HTR3E: variants seen among roughly 807,000 people sequenced by gnomAD.
HTR3E encodes 5-hydroxytryptamine (serotonin) receptor 3, family member E.
A neutral mutation model predicts 38.0 loss-of-function variants in HTR3E; 38 were observed. The observed-to-expected ratio is 1.00, with a 90% CI of 0.77 to 1.31. The LOEUF (loss-of-function observed/expected upper bound fraction) is 1.31, where lower values mean the gene tolerates loss of function less well. Among genes scored for constraint, HTR3E ranks in the 50% most tolerant of loss-of-function variants. The probability of loss-of-function intolerance (pLI) is 0.00; values close to 1 mark genes in which losing one functional copy is unlikely to be tolerated. For missense variants in HTR3E, 547 were observed against 585.2 expected (o/e 0.93, Z 0.67); for synonymous variants, 210 against 232.9 (o/e 0.90, Z 0.89).
intron 3 of HTR3E, among the ~76,000 whole-genome samples, chr3:184,102,458 T>C (rs1172276423): frequency 4.2e-5 from 5 of 117,662 alleles, no homozygotes. Flanking sequence ...AGTGAGACCC[T>C]ATCACACACC....
chr3:184,099,072 T>G (rs1388019702), intron 1 of HTR3E, among the ~76,000 whole-genome samples: 1 of 147,314 alleles, frequency 6.8e-6, no homozygotes, highest in African/African-American at 2.5e-5. Flanking sequence ...AAAAAGAAAT[T>G]AAAAAAAAAT....
chr3:184,105,511 T>C, intron 6 of HTR3E, 84 bp downstream of exon 6: 1 of 1,434,052 alleles, frequency 7.0e-7, no homozygotes, highest in Non-Finnish European at 9.4e-7. Context: ...ATCTCCCAAG[T>C]TTCAGGGTCT....
chr3:184,104,052 T>C, intron 3 of HTR3E, 130 bp from the exon 4 acceptor site: 1 of 552,966 alleles, frequency 1.8e-6, no homozygotes, highest in South Asian at 4.5e-5. Context: ...CAAAGTTGGG[T>C]TGTAAATACA....
chr3:184,100,575 CCTT>C lies in HTR3E; in HGVS notation c.160_162del (p.Phe54del). 2 of 1,614,124 alleles carry C rather than the reference CCTT, an allele frequency of 1.2e-6. No homozygotes were observed. The highest frequency in any genetic ancestry group is 1.7e-6 in the Non-Finnish European group (2 of 1,180,024). On this transcript the variant is annotated inframe_deletion, in exon 2 of 9. Coordinates refer to ENST00000415389, the MANE Select transcript of HTR3E (RefSeq NM_001256613.2). ...CTGAATTCAGTGTTTAATAGAAAGCCCTTCCGTCCGGTCACCAACATCAGCGTC... is the reference window on the plus strand; with the variant it reads ...CTGAATTCAGTGTTTAATAGAAAGCCCCGTCCGGTCACCAACATCAGCGTC...
intron 3 of HTR3E, among the ~76,000 whole-genome samples, chr3:184,102,106 C>G (rs1039402245): frequency 2.6e-5 from 4 of 152,100 alleles, no homozygotes; most frequent in African/African-American, 9.7e-5. Context: ...TATCAATGAC[C>G]ATACATAATT....
chr3:184,105,824 T>C lies in HTR3E; in HGVS notation c.780T>C (p.Phe260=), dbSNP rs1166714177. The change falls in exon 7 of 9, where the codon TTT becomes TTC. Residue 260 remains phenylalanine (F), a synonymous_variant. Transcript: ENST00000415389. The part of the protein sequence containing the change: ...YVINLLVPSG[F]LVAIDALSFY... ...TAAACCTTCTCGTGCCCAGTGGCTT[T>C]CTGGTTGCCATCGATGCCCTCAGCT... The C allele has an allele frequency of 1.2e-6, 2 of 1,614,186 alleles. No individual in the cohort carries two copies. The highest frequency in any genetic ancestry group is 3.3e-5 in the Admixed American group (2 of 60,012).
At chr3:184,105,196 G>A (rs1034536574) in intron 5 of HTR3E, 71 bp from the exon 6 acceptor site, 1 of 1,483,024 alleles carries the variant, frequency 6.7e-7, no homozygotes, top group Non-Finnish European at 9.1e-7. Flanking sequence ...AGAAAGGATG[G>A]AAAAAGAGTG....
At chr3:184,103,664 G>T (rs1430622421) in intron 3 of HTR3E, among the ~76,000 whole-genome samples, 11 of 149,608 alleles carry the variant, frequency 7.4e-5, no homozygotes, top group Non-Finnish European at 1.6e-4. Flanking sequence ...CCAGATGGTG[G>T]CACACACCTG....
chr3:184,100,127 A>T (rs1452177963), intron 1 of HTR3E: 1 of 1,321,250 alleles, frequency 7.6e-7, no homozygotes, highest in Non-Finnish European at 9.6e-7. Flanking sequence ...CCCATTCTTC[A>T]TCTCATCCCT....
At chr3:184,103,628 CAAA>C (rs11441494) in intron 3 of HTR3E, among the ~76,000 whole-genome samples, 6 of 78,836 alleles carry the variant, frequency 7.6e-5, no homozygotes, top group Admixed American at 1.6e-4. Context: ...GACTCCATCT[CAAA>C]AAAAAAAAAA....
chr3:184,099,732 A>AC lies in HTR3E; in HGVS notation c.68-753_68-752insC, dbSNP rs1342591413. 9.5e-4 allele frequency among the ~76,000 whole-genome samples: 140 copies of AC among 146,876 alleles called. 8 individuals carry two copies. Among genetic ancestry groups the AC allele is most frequent in the Non-Finnish European group, 1.2e-3 (82 of 67,360 alleles). On this transcript the variant is annotated intron_variant, in intron 1 of 8. Transcript: ENST00000415389. ...CGAGACTCCGTCTCAAAAAAAAAAA[A>AC]AAAAAAAAGAAAGAAATATGCACAA...
intron 3 of HTR3E, among the ~76,000 whole-genome samples, chr3:184,103,569 C>T (rs905764185): frequency 2.0e-5 from 3 of 146,676 alleles, no homozygotes; most frequent in African/African-American, 7.6e-5. Flanking sequence ...GCAGAGGTTG[C>T]AGTGAGCCAA....
intron 1 of HTR3E, among the ~76,000 whole-genome samples, chr3:184,099,899 G>A (rs1711912406): frequency 2.0e-5 from 3 of 152,094 alleles, no homozygotes; most frequent in South Asian, 2.1e-4. Flanking sequence ...CCGGGGCCCC[G>A]GGACTGTAAT....
At chr3:184,100,945 T>C (rs192184043) in intron 2 of HTR3E, among the ~76,000 whole-genome samples, 1 of 152,182 alleles carries the variant, frequency 6.6e-6, no homozygotes, top group Admixed American at 6.5e-5. Context: ...GTTTTTGTTT[T>C]TGTTTTTGTA....
chr3:184,103,741 G>A (rs550855342), intron 3 of HTR3E, among the ~76,000 whole-genome samples: 1 of 150,976 alleles, frequency 6.6e-6, no homozygotes, highest in East Asian at 2.0e-4. Context: ...AGGTTGCAGT[G>A]AGCCGAGATC....
Position 184,097,784 on chromosome 3 carries a change from G to A in HTR3E, c.67+188G>A, listed in dbSNP as rs115854397. Reference sequence around the variant, plus strand: ...CTGAAAGACGGAAAATCCCCTTCCAGTTACATGCCAAACAAGAGCACTTTC... The same window carrying A: ...CTGAAAGACGGAAAATCCCCTTCCAATTACATGCCAAACAAGAGCACTTTC... On this transcript the variant is annotated intron_variant, in intron 1 of 8. Transcript: ENST00000415389. Among the ~76,000 whole-genome samples, 1,378 of 152,226 alleles carry A rather than the reference G, an allele frequency of 9.1e-3. 18 individuals are homozygous for A. Among genetic ancestry groups the A allele is most frequent in the African/African-American group, 0.031 (1,284 of 41,548 alleles).
chr3:184,100,417 G>A, intron 1 of HTR3E, 68 bp from the exon 2 acceptor site: 1 of 1,613,212 alleles, frequency 6.2e-7, no homozygotes. Flanking sequence ...GCCCTGCCTT[G>A]GGGCCCCTCT....
rs1383418632 is a variant in HTR3E, at chr3:184,100,613, G to A, written c.196G>A (p.Val66Ile). Reference sequence around the variant, plus strand: ...CACCAACATCAGCGTCCCCACCCAAGTCAACATCTCCTTCGCGATGTCTGC... The same window carrying A: ...CACCAACATCAGCGTCCCCACCCAAATCAACATCTCCTTCGCGATGTCTGC... ...PVTNISVPTQ[V>I]NISFAMSAIL... Residue 66 changes from valine to isoleucine, a missense_variant, in exon 2 of 9, where the codon GTC becomes ATC. Physicochemically the swap from Val to Ile is conservative, Grantham distance 29. Transcript: ENST00000415389. The A allele has an allele frequency of 6.8e-6, 11 of 1,613,902 alleles. No homozygotes were observed. Among genetic ancestry groups the A allele is most frequent in the African/African-American group, 1.3e-5 (1 of 74,894 alleles).
Position 184,106,584 on chromosome 3 carries a change from T to A in HTR3E, c.1262T>A (p.Val421Glu), listed in dbSNP as rs1001144894. 6.2e-7 allele frequency: 1 copy of A among 1,614,056 alleles called. No homozygotes were observed. Among genetic ancestry groups the A allele is most frequent in the Admixed American group, 1.7e-5 (1 of 59,998 alleles). Residue 421 changes from valine to glutamate, a missense_variant, in exon 9 of 9, where the codon GTG (valine) becomes GAG (glutamate). Transcript: ENST00000415389. This position sits in a 1 kb window ranked among gnomAD's most constrained non-coding sequence, Gnocchi z 4.1. ...REHEAQKQHS[V>E]ELWLQFSHAM... is the part of the protein sequence containing the mutation. Reference sequence around the variant, plus strand: ...CACGAGGCCCAGAAGCAGCACTCAGTGGAGCTGTGGTTGCAGTTCAGCCAC... The same window carrying A: ...CACGAGGCCCAGAAGCAGCACTCAGAGGAGCTGTGGTTGCAGTTCAGCCAC...
Sources: allele counts gnomAD v4.1 joint callset (sites outside exome capture counted in the v4.1 genomes callset), GRCh38; gene constraint gnomAD v4.1.1; non-coding constraint Gnocchi (gnomAD v3.1); transcripts MANE v1.5; gene names NCBI Gene and HGNC (gene_info 2026-07-23, HGNC 2026-07-21).